The following MARCHF1 variants were observed in gnomAD, a reference collection of about 807,000 sequenced individuals.
The protein encoded by MARCHF1 is membrane associated ring-CH-type finger 1.
MARCHF1 carries 40 observed loss-of-function variants against 54.2 expected under a neutral mutation model. The observed-to-expected ratio is 0.74, with a 90% CI of 0.57 to 0.96. The LOEUF (loss-of-function observed/expected upper bound fraction) is 0.96. Among genes scored for constraint, MARCHF1 ranks in the 40% least tolerant of loss-of-function variants. The pLI is 0.00. For missense variants in MARCHF1, 586 were observed against 656.5 expected, an observed-to-expected ratio of 0.89 and a Z score of 1.17; for synonymous variants, 236 against 236.3, an observed-to-expected ratio of 1.00 and a Z score of 0.01.
At chr4:163,628,411 G>T (rs1332960796) in intron 5 of MARCHF1, among the ~76,000 whole-genome samples, 3 of 152,046 alleles carry the variant, frequency 2.0e-5, no homozygotes, top group African/African-American at 2.4e-5. Flanking sequence ...AATAATAAGG[G>T]CTATTTATGA....
chr4:163,858,484 A>G lies in MARCHF1; in HGVS notation c.-38-4315T>C, dbSNP rs140209765. The stretch of plus-strand genomic sequence containing the variant: ...AACTGAGAAAGTGCCCACCTTCCCT[A>G]TTCTCAAATTTGAGACTTGAGAATG... On this transcript the variant is annotated intron_variant, in intron 3 of 9. Transcript: ENST00000514618. Among the ~76,000 whole-genome samples, 416 of 152,184 alleles carry G rather than the reference A, an allele frequency of 2.7e-3. 2 individuals are homozygous for G. Among genetic ancestry groups the G allele is most frequent in the African/African-American group, 9.6e-3 (397 of 41,518 alleles).
chr4:163,622,625 C>G (rs6825276), intron 5 of MARCHF1, among the ~76,000 whole-genome samples: 1 of 151,804 alleles, frequency 6.6e-6, no homozygotes, highest in Non-Finnish European at 1.5e-5. Flanking sequence ...ACATCTGCAC[C>G]GTGGGCTGAT....
At chr4:163,859,531 T>C (rs1418921162) in intron 3 of MARCHF1, among the ~76,000 whole-genome samples, 1 of 152,096 alleles carries the variant, frequency 6.6e-6, no homozygotes, top group African/African-American at 2.4e-5. Flanking sequence ...GGGTAATTTT[T>C]TGGATTTTTA....
chr4:164,055,339 G>C (rs1754466423), intron 2 of MARCHF1: 1 of 152,016 alleles, frequency 6.6e-6, no homozygotes, highest in Non-Finnish European at 1.5e-5. Context: ...AGCTACTCTG[G>C]AGGCTGAGGT....
chr4:163,614,010 G>T (rs1302489523), intron 5 of MARCHF1, among the ~76,000 whole-genome samples: 1 of 152,054 alleles, frequency 6.6e-6, no homozygotes, highest in African/African-American at 2.4e-5. Context: ...TGAAACATCA[G>T]ATTATTAGCA....
intron 3 of MARCHF1, among the ~76,000 whole-genome samples, chr4:163,857,106 AG>A (rs1310147798): frequency 1.3e-5 from 2 of 149,516 alleles, no homozygotes; most frequent in African/African-American, 2.4e-5. Flanking sequence ...AGGGAGAGAG[AG>A]AAAAAAAAAA....
At chr4:163,679,254 A>G (rs1744016781) in intron 5 of MARCHF1, among the ~76,000 whole-genome samples, 1 of 152,230 alleles carries the variant, frequency 6.6e-6, no homozygotes, top group South Asian at 2.1e-4. Context: ...TTTTTCAGGA[A>G]TATTCTACCA....
intron 7 of MARCHF1, among the ~76,000 whole-genome samples, chr4:163,592,902 GCC>G (rs898256332): frequency 6.6e-6 from 1 of 152,040 alleles, no homozygotes; most frequent in Non-Finnish European, 1.5e-5. Flanking sequence ...GATGTGTGTA[GCC>G]CCTAGGAGTC....
At chr4:164,213,987 C>T (rs1403892280) in intron 1 of MARCHF1, among the ~76,000 whole-genome samples, 1 of 151,946 alleles carries the variant, frequency 6.6e-6, no homozygotes, top group African/African-American at 2.4e-5. Context: ...ACACCATTTG[C>T]TCTGATGTAA....
chr4:163,870,724 A>T (rs1750151046), intron 3 of MARCHF1, among the ~76,000 whole-genome samples: 1 of 152,150 alleles, frequency 6.6e-6, no homozygotes, highest in African/African-American at 2.4e-5. Context: ...GTTAAGTGAA[A>T]TAAGCCAGCA....
chr4:163,595,527 G>GGT (rs1740738162), intron 7 of MARCHF1, among the ~76,000 whole-genome samples: 1 of 151,600 alleles, frequency 6.6e-6, no homozygotes, highest in Non-Finnish European at 1.5e-5. Flanking sequence ...CAAAAAATGT[G>GGT]GTATATATAC....
At chr4:164,297,896 G>T (rs560321850) in intron 1 of MARCHF1, among the ~76,000 whole-genome samples, 1 of 152,268 alleles carries the variant, frequency 6.6e-6, no homozygotes, top group African/African-American at 2.4e-5. Context: ...CAATTTACCT[G>T]AAGTAGACTT....
chr4:163,792,254 A>C (rs150936543), intron 4 of MARCHF1, among the ~76,000 whole-genome samples: 1 of 152,334 alleles, frequency 6.6e-6, no homozygotes, highest in East Asian at 1.9e-4. Flanking sequence ...AGTTGAGAGA[A>C]AATCCCAATA....
chr4:164,043,526 C>A (rs746472190), intron 2 of MARCHF1, among the ~76,000 whole-genome samples: 1 of 151,792 alleles, frequency 6.6e-6, no homozygotes, highest in Non-Finnish European at 1.5e-5. Context: ...GGCCCATAAA[C>A]CATTTTTCCT....
At position 163,944,383 on chromosome 4, in the gene MARCHF1, A is replaced by G. The variant is rs555727778; in HGVS notation, c.-39+44118T>C. Among the ~76,000 whole-genome samples the G allele has an allele frequency of 1.3e-3, 200 of 152,304 alleles. 1 individual carries two copies. The highest frequency in any genetic ancestry group is 3.4e-3 in the Middle Eastern group (1 of 294). ...CCTCCTTTAGATTTGATTCAGCTGCAGAAAGCTGCTTCACCTGATGTCACA... is the reference window on the plus strand; with the variant it reads ...CCTCCTTTAGATTTGATTCAGCTGCGGAAAGCTGCTTCACCTGATGTCACA... On this transcript the variant is annotated intron_variant, in intron 3 of 9. Coordinates refer to ENST00000514618, the MANE Select transcript of MARCHF1 (RefSeq NM_001394959.1).
intron 1 of MARCHF1, among the ~76,000 whole-genome samples, chr4:164,367,326 GTAT>G (rs1242162188): frequency 7.2e-5 from 11 of 152,102 alleles, no homozygotes; most frequent in Non-Finnish European, 1.5e-4. Context: ...GGTTAAATAT[GTAT>G]TTATCCATAC....
At chr4:163,922,693 T>C (rs893315351) in intron 3 of MARCHF1, among the ~76,000 whole-genome samples, 6 of 152,224 alleles carry the variant, frequency 3.9e-5, no homozygotes, top group African/African-American at 1.2e-4. Flanking sequence ...CTACATTAGA[T>C]ATTTTAGCTA....
At chr4:164,251,281 A>T (rs1189123826) in intron 1 of MARCHF1, among the ~76,000 whole-genome samples, 1 of 152,182 alleles carries the variant, frequency 6.6e-6, no homozygotes, top group African/African-American at 2.4e-5. Flanking sequence ...TATACACAGA[A>T]CATATAATTA....
intron 1 of MARCHF1, among the ~76,000 whole-genome samples, chr4:164,354,381 C>T (rs1171346928): frequency 8.8e-5 from 12 of 136,468 alleles, no homozygotes; most frequent in African/African-American, 1.9e-4. Flanking sequence ...ACTGGAAAAC[C>T]GAATCCAGCA....
Sources: gnomAD v4.1 joint callset for allele counts (sites outside exome capture counted in the v4.1 genomes callset) on GRCh38, gnomAD v4.1.1 for gene constraint, MANE v1.5 for transcripts, NCBI Gene and HGNC (gene_info 2026-07-23, HGNC 2026-07-21) for gene names.